CGAS: variants seen among roughly 807,000 people sequenced by gnomAD.
CGAS encodes cyclic GMP-AMP synthase, also known as 2'3'-cGAMP synthase.
Under a neutral mutation model 34.0 loss-of-function variants are expected in CGAS, and 31 were observed. The ratio of observed to expected loss-of-function variants is 0.91; its 90% CI spans 0.69 to 1.23. CGAS has a LOEUF of 1.23. Ranked by LOEUF, CGAS falls within the 50% of genes most tolerant of loss-of-function variation. The probability of loss-of-function intolerance (pLI) is 0.00; values close to 1 mark genes in which losing one functional copy is unlikely to be tolerated. For missense variants in CGAS, 597 were observed against 657.6 expected (o/e 0.91, Z 1.01); for synonymous variants, 266 against 260.0 (o/e 1.02, Z -0.22).
chr6:73,429,786 A>C (rs540538802), intron 3 of CGAS, among the ~76,000 whole-genome samples: 29 of 152,138 alleles, frequency 1.9e-4, no homozygotes, highest in South Asian at 6.2e-4. Context: ...AGATCGCGCC[A>C]CTGCACTCCA....
chr6:73,449,476 A>AACACACAC (rs144519687), intron 1 of CGAS, among the ~76,000 whole-genome samples: 30,869 of 142,636 alleles, frequency 0.22, 3,490 homozygotes, highest in Non-Finnish European at 0.24. Context: ...CTCTGTCTCA[A>AACACACAC]ACACACACAC....
At chr6:73,437,319 T>C (rs1336393296) in intron 3 of CGAS, among the ~76,000 whole-genome samples, 1 of 152,190 alleles carries the variant, frequency 6.6e-6, no homozygotes, top group Non-Finnish European at 1.5e-5. Flanking sequence ...GAACCACGTA[T>C]ATGCTTTATA....
At chr6:73,441,323 G>A (rs183492428) in intron 2 of CGAS, among the ~76,000 whole-genome samples, 1 of 152,162 alleles carries the variant, frequency 6.6e-6, no homozygotes, top group East Asian at 1.9e-4. Flanking sequence ...TGGGCAAGAG[G>A]GAAGAGACAG....
Position 73,440,307 on chromosome 6 carries a change from C to A in CGAS, c.1016G>T (p.Arg339Leu), listed in dbSNP as rs190867294. The change falls in exon 3 of 5, where the codon CGC becomes CTC. Residue 339 changes from arginine to leucine, a missense_variant. Around this residue, in one of 3 missense-constraint regions of CGAS, gnomAD observed 271 missense variants for 324.1 expected, o/e 0.84. Transcript: ENST00000370315. ...SWPASTQEGL[R>L]IQNWLSAKVR... is the part of the protein sequence containing the mutation. ...TTTTGCTGAAAGCCAGTTTTGAATG[C>A]GCAGGCCTTCTTGGGTGCTAGCAGG... 2 of 1,614,052 alleles carry A rather than the reference C, an allele frequency of 1.2e-6. No individual in the cohort carries two copies. Among genetic ancestry groups the A allele is most frequent in the East Asian group, 2.2e-5 (1 of 44,896 alleles).
chr6:73,430,598 G>A (rs1187156333), intron 3 of CGAS, among the ~76,000 whole-genome samples: 7 of 151,606 alleles, frequency 4.6e-5, no homozygotes, highest in East Asian at 3.9e-4. Flanking sequence ...TCGAGATCAC[G>A]CCACTGCACT....
chr6:73,442,529 T>C (rs1231884191), intron 2 of CGAS, among the ~76,000 whole-genome samples: 1 of 151,634 alleles, frequency 6.6e-6, no homozygotes, highest in African/African-American at 2.4e-5. Context: ...GCATCGTATG[T>C]AGCTGGGACC....
chr6:73,429,672 A>T (rs962440399), intron 3 of CGAS, among the ~76,000 whole-genome samples: 3 of 151,996 alleles, frequency 2.0e-5, no homozygotes, highest in Admixed American at 1.3e-4. Context: ...CAAAAATACA[A>T]AAAATTAGCC....
chr6:73,427,759 A>G (rs958094340), intron 4 of CGAS, among the ~76,000 whole-genome samples: 3 of 152,156 alleles, frequency 2.0e-5, no homozygotes, highest in African/African-American at 7.2e-5. Context: ...ACTTGAACCC[A>G]GGAGTTGGTG....
chr6:73,444,012 C>G (rs1210314505), intron 2 of CGAS, among the ~76,000 whole-genome samples: 1 of 152,172 alleles, frequency 6.6e-6, no homozygotes, highest in Non-Finnish European at 1.5e-5. Flanking sequence ...ATTTTTGAGA[C>G]GGAGTCTTGC....
intron 1 of CGAS, among the ~76,000 whole-genome samples, chr6:73,449,852 G>A (rs544883746): frequency 4.0e-5 from 6 of 151,772 alleles, no homozygotes; most frequent in South Asian, 2.1e-4. Context: ...TAAATTAGCC[G>A]GGAGTGGGGG....
intron 3 of CGAS, among the ~76,000 whole-genome samples, chr6:73,429,382 T>G (rs1404477706): frequency 6.6e-6 from 1 of 152,174 alleles, no homozygotes; most frequent in East Asian, 1.9e-4. Context: ...TTTTATATAT[T>G]GCTAAATTCC....
chr6:73,445,229 T>C lies in CGAS; in HGVS notation c.877+299A>G, dbSNP rs185515078. Among the ~76,000 whole-genome samples the C allele has an allele frequency of 2.2e-4, 34 of 152,070 alleles. No individual in the cohort carries two copies. In the East Asian group the frequency reaches 6.1e-3, roughly 27 times the overall value. ...ATTTAATAAATATTCATTGATTATT[T>C]CATATAATTTAATCATTTAATTTAA... On this transcript the variant is annotated intron_variant, in intron 2 of 4. Transcript: ENST00000370315.
At position 73,448,028 on chromosome 6, in the gene CGAS, T is replaced by C. The variant is rs565611404; in HGVS notation, c.658-2281A>G. Among the ~76,000 whole-genome samples, 7 of 152,356 alleles carry C rather than the reference T, an allele frequency of 4.6e-5. No homozygotes were observed. The South Asian group carries it at 1.4e-3, about 32-fold the overall frequency. ...CTTTTTGTTGTTGTTCAACATTATT[T>C]ATGTAATTCATTTTCACTGTTCATG... On this transcript the variant is annotated intron_variant, in intron 1 of 4. Coordinates refer to ENST00000370315, the MANE Select transcript of CGAS (RefSeq NM_138441.3).
chr6:73,428,685 C>T (rs1333868900), intron 4 of CGAS, 24 bp downstream of exon 4: 1 of 1,593,976 alleles, frequency 6.3e-7, no homozygotes, highest in Non-Finnish European at 8.6e-7. Flanking sequence ...GATAATCTGT[C>T]ATTTAACAAA....
At chr6:73,425,834 C>T (rs886802129) in intron 4 of CGAS, among the ~76,000 whole-genome samples, 3 of 151,874 alleles carry the variant, frequency 2.0e-5, no homozygotes, top group South Asian at 2.1e-4. Flanking sequence ...ATTAGCTGGG[C>T]GTGGTGGCGC....
intron 1 of CGAS, among the ~76,000 whole-genome samples, chr6:73,448,113 C>T (rs952727858): frequency 9.2e-5 from 14 of 152,162 alleles, no homozygotes; most frequent in African/African-American, 2.4e-4. Flanking sequence ...AACCACTGGC[C>T]GGGCACAGTG....
rs1770193225 is a variant in CGAS, at chr6:73,431,335, G to T, written c.1115-2524C>A. Among the ~76,000 whole-genome samples, 6 of 151,990 alleles carry T rather than the reference G, an allele frequency of 3.9e-5. No homozygotes were observed. The South Asian group carries it at 1.2e-3, about 31-fold the overall frequency. On this transcript the variant is annotated intron_variant, in intron 3 of 4. Transcript: ENST00000370315. ...AAATACAAACATTTAGCCGGGCATG[G>T]TGGCACAAGCCTGTAATCCCAGCTA...
chr6:73,425,328 G>T lies in CGAS; in HGVS notation c.1468C>A (p.Leu490Ile), dbSNP rs2150807849. 2 of 1,610,540 alleles carry T rather than the reference G, an allele frequency of 1.2e-6. No homozygotes were observed. Among genetic ancestry groups the T allele is most frequent in the Non-Finnish European group, 1.7e-6 (2 of 1,179,056 alleles). The change falls in exon 5 of 5, where the codon CTA becomes ATA. Residue 490 changes from leucine to isoleucine, a missense_variant. By Grantham distance (5) the Leu-to-Ile change is conservative (BLOSUM62 2). This residue lies in a region of CGAS where 271 missense variants were observed against 324.1 expected (regional missense o/e 0.84). Transcript: ENST00000370315. ...TTGTCAATTAAGTTGCTAGAGAATA[G>T]ATTGAATTCAGGAATAAAATAATTC... The part of the protein sequence containing the change: ...LENYFIPEFN[L>I]FSSNLIDKRS...
chr6:73,445,517 A>G lies in CGAS; in HGVS notation c.877+11T>C. ...ATTAAACCTTTAAGAATCAAAAGGCAAAAGTCTTACCTTTAATGTCGTTAA... is the reference window on the plus strand; with the variant it reads ...ATTAAACCTTTAAGAATCAAAAGGCGAAAGTCTTACCTTTAATGTCGTTAA... On this transcript the variant is annotated intron_variant, in intron 2 of 4. Transcript: ENST00000370315. The G allele has an allele frequency of 6.3e-7, 1 of 1,579,620 alleles. No individual in the cohort carries two copies. The highest frequency in any genetic ancestry group is 2.2e-5 in the East Asian group (1 of 44,484).
Sources: gnomAD v4.1 joint callset for allele counts (sites outside exome capture counted in the v4.1 genomes callset) on GRCh38, gnomAD v4.1.1 for gene constraint, gnomAD v4.1.1 regional missense constraint, MANE v1.5 for transcripts, NCBI Gene and HGNC (gene_info 2026-07-23, HGNC 2026-07-21) for gene names.